The following WDFY4 variants were observed in gnomAD, a reference collection of about 807,000 sequenced individuals.
The protein encoded by WDFY4 is WDFY family member 4, also known as WD repeat- and FYVE domain-containing protein 4.
A neutral mutation model predicts 351.9 loss-of-function variants in WDFY4; 169 were observed. That is an observed-to-expected ratio of 0.48 (90% confidence interval 0.42 to 0.55). The LOEUF is 0.55. WDFY4 is among the 20% of genes least tolerant of loss of function. WDFY4 has a pLI of 0.00. For missense variants in WDFY4, 3,803 were observed against 3,935.6 expected, an observed-to-expected ratio of 0.97 and a Z score of 0.90; for synonymous variants, 1,622 against 1,574.6, an observed-to-expected ratio of 1.03 and a Z score of -0.71.
At chr10:48,742,581 TG>T (rs2064886393) in intron 11 of WDFY4, among the ~76,000 whole-genome samples, 2 of 152,342 alleles carry the variant, frequency 1.3e-5, no homozygotes, top group South Asian at 4.1e-4. Context: ...AGCTTCAGTC[TG>T]GTGGAGAGCT....
At chr10:48,728,747 G>A (rs747680267) in intron 7 of WDFY4, among the ~76,000 whole-genome samples, 5 of 152,246 alleles carry the variant, frequency 3.3e-5, no homozygotes, top group Non-Finnish European at 7.3e-5. Context: ...TGATCCCCAC[G>A]GAGGTCTGTG....
At chr10:48,709,694 C>T (rs780021282) in intron 1 of WDFY4, 22 bp from the exon 2 acceptor site, 9 of 1,542,446 alleles carry the variant, frequency 5.8e-6, no homozygotes, top group African/African-American at 2.7e-5. Context: ...GGAATGTTCA[C>T]TTCTATTTGT....
chr10:48,802,402 T>G (rs1451744661), intron 24 of WDFY4, among the ~76,000 whole-genome samples: 1 of 152,176 alleles, frequency 6.6e-6, no homozygotes, highest in Non-Finnish European at 1.5e-5. Flanking sequence ...AATAATATTT[T>G]GGGTCTTTTT....
chr10:48,832,129 T>C (rs1441610974), intron 38 of WDFY4, among the ~76,000 whole-genome samples: 1 of 152,214 alleles, frequency 6.6e-6, no homozygotes, highest in Non-Finnish European at 1.5e-5. Flanking sequence ...TGGAATAAAG[T>C]AGTAAAACTG....
At chr10:48,711,251 C>T (rs530616168) in intron 2 of WDFY4, among the ~76,000 whole-genome samples, 1 of 152,188 alleles carries the variant, frequency 6.6e-6, no homozygotes, top group Non-Finnish European at 1.5e-5. Flanking sequence ...TCCATTAATT[C>T]ATCATTTTCC....
chr10:48,843,025 G>A (rs1382064194), intron 39 of WDFY4, among the ~76,000 whole-genome samples: 2 of 152,178 alleles, frequency 1.3e-5, no homozygotes, highest in Admixed American at 6.5e-5. Flanking sequence ...AGGCACTGAG[G>A]TTATGCAAGC....
At chr10:48,732,646 C>T (rs1211513227) in intron 9 of WDFY4, among the ~76,000 whole-genome samples, 3 of 152,226 alleles carry the variant, frequency 2.0e-5, no homozygotes, top group Non-Finnish European at 4.4e-5. Flanking sequence ...CCGTGTCTTC[C>T]TCGGTAAAAC....
At chr10:48,829,389 A>AATCTCAAAT (rs1210550447) in intron 37 of WDFY4, among the ~76,000 whole-genome samples, 1 of 152,202 alleles carries the variant, frequency 6.6e-6, no homozygotes, top group East Asian at 1.9e-4. Flanking sequence ...TGGATTTACT[A>AATCTCAAAT]ATCTCAAATC....
intron 12 of WDFY4, among the ~76,000 whole-genome samples, chr10:48,745,102 A>T (rs1170479072): frequency 6.6e-6 from 1 of 152,048 alleles, no homozygotes; most frequent in Non-Finnish European, 1.5e-5. Flanking sequence ...TTCTTTTTAC[A>T]TGTAAATTTC....
chr10:48,754,856 A>G (rs1333753524), intron 12 of WDFY4, among the ~76,000 whole-genome samples: 1 of 152,206 alleles, frequency 6.6e-6, no homozygotes, highest in African/African-American at 2.4e-5. Flanking sequence ...CTCACTTTGC[A>G]TATGACAGCA....
intron 54 of WDFY4, 146 bp from the exon 55 acceptor site, chr10:48,966,380 C>A: frequency 1.2e-6 from 1 of 840,806 alleles, no homozygotes; most frequent in Non-Finnish European, 1.7e-6. Flanking sequence ...AGGGCTGGAC[C>A]AGAGGTTCTG....
Position 48,760,360 on chromosome 10 carries a change from G to A in WDFY4, c.2473G>A (p.Asp825Asn). The A allele has an allele frequency of 6.4e-7, 1 of 1,551,650 alleles. No homozygotes were observed. ...PDLEERMDEG[D>N]AAIMHPGVVC... ...CTCTCTCTGCAGGATGGATGAGGGA[G>A]ATGCTGCAATCATGCATCCCGGGGT... The change falls in exon 13 of 62, where the codon GAT becomes AAT. Residue 825 changes from aspartate (D) to asparagine (N), a missense_variant. Around this residue, in one of 3 missense-constraint regions of WDFY4, gnomAD observed 3,054 missense variants for 3,148.6 expected, o/e 0.97. Coordinates refer to ENST00000325239, the MANE Select transcript of WDFY4 (RefSeq NM_001394531.1).
At chr10:48,827,265 TAGAA>T in intron 36 of WDFY4, among the ~76,000 whole-genome samples, 2 of 152,090 alleles carry the variant, frequency 1.3e-5, no homozygotes, top group Middle Eastern at 6.8e-3. Flanking sequence ...ATTGCAATCT[TAGAA>T]AGGAAAAAAT....
chr10:48,788,416 C>T, intron 20 of WDFY4, 114 bp from the exon 21 acceptor site: 1 of 1,290,522 alleles, frequency 7.7e-7, no homozygotes, highest in Non-Finnish European at 1.1e-6. Context: ...TGACAACATA[C>T]AAACATCCTC....
rs747653976 is a variant in WDFY4, at chr10:48,943,462, C to G, written c.7749+13C>G. On this transcript the variant is annotated intron_variant, in intron 49 of 61. Coordinates refer to ENST00000325239, the MANE Select transcript of WDFY4 (RefSeq NM_001394531.1). ...CTACACCTCAGAGGTAAGTTCCTCA[C>G]GTGGAAACCACAGCTGCCCTCAGGT... 1 of 1,550,170 alleles carries G rather than the reference C, an allele frequency of 6.5e-7. No individual in the cohort carries two copies. The highest frequency in any genetic ancestry group is 1.2e-5 in the South Asian group (1 of 83,854).
At chr10:48,971,684 T>C (rs1842343541) in intron 57 of WDFY4, among the ~76,000 whole-genome samples, 1 of 152,074 alleles carries the variant, frequency 6.6e-6, no homozygotes, top group Non-Finnish European at 1.5e-5. Context: ...ATGCAGGGCA[T>C]GGAGGGTGCT....
chr10:48,817,487 T>C lies in WDFY4; in HGVS notation c.5505+78T>C. 12 of 1,410,028 alleles carry C rather than the reference T, an allele frequency of 8.5e-6. 1 individual carries two copies. Among genetic ancestry groups the C allele is most frequent in the Non-Finnish European group, 1.1e-5 (12 of 1,063,350 alleles). The allele number at this position is 1,410,028 out of a possible 1,614,324, so 87.3% of individuals were successfully genotyped here. A position where few individuals can be genotyped will look rare whatever the true frequency, so the allele number is the denominator to read the frequency against. ...CTTCAAGGGCAAAGGGCAAAATCCC[T>C]CCCCTCCCCCCTAAAATTAAAATAC... On this transcript the variant is annotated intron_variant, in intron 32 of 61. Transcript: ENST00000325239.
chr10:48,806,669 T>C (rs1034854326), intron 27 of WDFY4, among the ~76,000 whole-genome samples: 3 of 152,254 alleles, frequency 2.0e-5, no homozygotes, highest in African/African-American at 7.2e-5. Context: ...GGTGCAGAAC[T>C]GCAGCTGTGT....
intron 57 of WDFY4, among the ~76,000 whole-genome samples, chr10:48,974,519 A>AAAAAAAAAAAAAAAAAAAAAAAAAC (rs1352344126): frequency 3.8e-4 from 19 of 49,956 alleles, no homozygotes; most frequent in Non-Finnish European, 6.1e-4. Context: ...AAAAAAAAAA[A>AAAAAAAAAAAAAAAAAAAAAAAAAC]AAAAAAAAAA....
Sources: gnomAD v4.1 joint callset for allele counts (sites outside exome capture counted in the v4.1 genomes callset) on GRCh38, gnomAD v4.1.1 for gene constraint, gnomAD v4.1.1 regional missense constraint, MANE v1.5 for transcripts, NCBI Gene and HGNC (gene_info 2026-07-23, HGNC 2026-07-21) for gene names.